Variants in LRMDA observed in about 807,000 individuals in gnomAD.
LRMDA encodes the protein leucine-rich melanocyte differentiation-associated protein.
Under a neutral mutation model 29.8 loss-of-function variants are expected in LRMDA, and 18 were observed. That is an observed-to-expected ratio of 0.60 (90% CI 0.42 to 0.90). LRMDA has a LOEUF of 0.90. Ranked by LOEUF, LRMDA falls within the 40% of genes least tolerant of loss-of-function variation. LRMDA has a pLI of 0.00. For missense variants in LRMDA, 273 were observed against 273.9 expected, an observed-to-expected ratio of 1.00 and a Z score of 0.02; for synonymous variants, 125 against 109.4, an observed-to-expected ratio of 1.14 and a Z score of -0.89.
chr10:76,120,551 A>G (rs530026837), intron 5 of LRMDA, among the ~76,000 whole-genome samples: 1 of 152,320 alleles, frequency 6.6e-6, no homozygotes, highest in African/African-American at 2.4e-5. Context: ...GAGGTAGCTT[A>G]TAAGAATAAA....
chr10:76,150,277 G>A (rs1220962907), intron 5 of LRMDA, among the ~76,000 whole-genome samples: 1 of 152,208 alleles, frequency 6.6e-6, no homozygotes, highest in African/African-American at 2.4e-5. Flanking sequence ...GACAGGCCTT[G>A]TCAAAGGCTG....
rs1390662910 is a variant in LRMDA, at chr10:75,967,072, A to T, written c.132-68936A>T. ...CTCCCTTTAGACTGGGGTAGTCAGT[A>T]CAAGTTTCCTTGAGGTGTTGGGGTT... On this transcript the variant is annotated intron_variant, in intron 2 of 6. Transcript: ENST00000611255. 2.6e-5 allele frequency among the ~76,000 whole-genome samples: 4 copies of T among 152,180 alleles called. No homozygotes were observed. In the East Asian group the frequency reaches 7.7e-4, roughly 29 times the overall value.
intron 2 of LRMDA, among the ~76,000 whole-genome samples, chr10:75,895,076 A>C (rs186528015): frequency 6.6e-6 from 1 of 152,314 alleles, no homozygotes; most frequent in Admixed American, 6.5e-5. Context: ...GAAGTCCTGG[A>C]GAAGAGATTG....
At chr10:75,530,760 C>T (rs928666676) in intron 2 of LRMDA, among the ~76,000 whole-genome samples, 4 of 152,106 alleles carry the variant, frequency 2.6e-5, no homozygotes, top group Non-Finnish European at 4.4e-5. Flanking sequence ...CATTCCTCTC[C>T]TCACCATTCC....
intron 6 of LRMDA, among the ~76,000 whole-genome samples, chr10:76,367,791 G>A (rs571294602): frequency 1.3e-5 from 2 of 152,068 alleles, no homozygotes; most frequent in Non-Finnish European, 2.9e-5. Context: ...CTTGTTATTT[G>A]TCTGTTCAGG....
chr10:76,303,730 G>A (rs1351730712), intron 5 of LRMDA, among the ~76,000 whole-genome samples: 1 of 107,312 alleles, frequency 9.3e-6, no homozygotes, highest in Non-Finnish European at 2.1e-5. Flanking sequence ...TTTTTTTTTT[G>A]GTGATCAGTT....
chr10:76,247,995 A>G (rs143446944), intron 5 of LRMDA, among the ~76,000 whole-genome samples: 306 of 152,254 alleles, frequency 2.0e-3, no homozygotes, highest in African/African-American at 7.1e-3. Context: ...TTCTCAAATA[A>G]TGGGGAAAGG....
At chr10:75,719,371 A>G (rs1156564456) in intron 2 of LRMDA, among the ~76,000 whole-genome samples, 1 of 152,230 alleles carries the variant, frequency 6.6e-6, no homozygotes, top group African/African-American at 2.4e-5. Flanking sequence ...TTGTGTGACA[A>G]GGTAACCAGC....
At chr10:76,350,440 A>ATTT (rs750864656) in intron 6 of LRMDA, among the ~76,000 whole-genome samples, 5 of 142,908 alleles carry the variant, frequency 3.5e-5, no homozygotes, top group Admixed American at 2.8e-4. Flanking sequence ...ATGGGGACCG[A>ATTT]TTTTTTTTTT....
chr10:75,518,370 C>T (rs1012066087), intron 2 of LRMDA, among the ~76,000 whole-genome samples: 2 of 152,092 alleles, frequency 1.3e-5, no homozygotes, highest in Non-Finnish European at 2.9e-5. Context: ...ATTATTGCCT[C>T]AATCAGAGCC....
chr10:75,724,572 G>A (rs927419964), intron 2 of LRMDA, among the ~76,000 whole-genome samples: 3 of 152,114 alleles, frequency 2.0e-5, no homozygotes, highest in African/African-American at 2.4e-5. Flanking sequence ...GGGAGAAAGC[G>A]CAGGATTCAG....
chr10:76,023,768 A>G (rs925372899), intron 2 of LRMDA, among the ~76,000 whole-genome samples: 1 of 152,234 alleles, frequency 6.6e-6, no homozygotes, highest in Non-Finnish European at 1.5e-5. Flanking sequence ...CATTCAAATG[A>G]TTCTGAAACA....
At chr10:76,289,426 TCTC>T (rs1840311778) in intron 5 of LRMDA, among the ~76,000 whole-genome samples, 2 of 152,126 alleles carry the variant, frequency 1.3e-5, no homozygotes, top group African/African-American at 2.4e-5. Flanking sequence ...TTTTTCAACA[TCTC>T]CTCCTTAGTG....
chr10:76,236,252 CT>C (rs1425715550), intron 5 of LRMDA, among the ~76,000 whole-genome samples: 1 of 152,194 alleles, frequency 6.6e-6, no homozygotes, highest in African/African-American at 2.4e-5. Context: ...GCAGGCTGCA[CT>C]TTGACCCAGT....
At chr10:75,433,280 C>T (rs1020478445) in intron 1 of LRMDA, among the ~76,000 whole-genome samples, 2 of 152,164 alleles carry the variant, frequency 1.3e-5, no homozygotes, top group African/African-American at 4.8e-5. Context: ...CTTTCCTGTG[C>T]TTCCTTTCCC....
chr10:76,397,747 C>A (rs184774405), intron 6 of LRMDA, among the ~76,000 whole-genome samples: 3 of 152,262 alleles, frequency 2.0e-5, no homozygotes, highest in African/African-American at 7.2e-5. Context: ...CAACAGTTCC[C>A]CTGCAGGATG....
intron 2 of LRMDA, among the ~76,000 whole-genome samples, chr10:75,934,773 C>G (rs7072557): frequency 0.03 from 4,566 of 152,296 alleles, 241 homozygotes; most frequent in African/African-American, 0.1. Context: ...TTGTTTCAGG[C>G]TAAGCCACTA....
At chr10:76,069,710 TG>T (rs1848845166) in intron 5 of LRMDA, among the ~76,000 whole-genome samples, 1 of 152,150 alleles carries the variant, frequency 6.6e-6, no homozygotes, top group African/African-American at 2.4e-5. Context: ...CTTCTTTTTT[TG>T]TTGAGCATTT....
chr10:76,360,024 C>T (rs765174000), intron 6 of LRMDA, among the ~76,000 whole-genome samples: 8 of 151,814 alleles, frequency 5.3e-5, no homozygotes, highest in Non-Finnish European at 1.2e-4. Context: ...GACGCAGTTT[C>T]GCTCTTGTTG....
Sources: allele counts gnomAD v4.1 joint callset (sites outside exome capture counted in the v4.1 genomes callset), GRCh38; gene constraint gnomAD v4.1.1; transcripts MANE v1.5; gene names NCBI Gene and HGNC (gene_info 2026-07-23, HGNC 2026-07-21).